LYPLAL1: variants seen among roughly 807,000 people sequenced by gnomAD.
The protein encoded by LYPLAL1 is lysophospholipase like 1, also known as lysophospholipase-like protein 1.
In LYPLAL1, 23 loss-of-function variants were observed where a neutral mutation model predicts 19.7. That is an observed-to-expected ratio of 1.17 (90% CI 0.84 to 1.65). The LOEUF (loss-of-function observed/expected upper bound fraction) is 1.65, where lower values mean the gene tolerates loss of function less well. Among genes scored for constraint, LYPLAL1 ranks in the 40% most tolerant of loss-of-function variants. The probability of loss-of-function intolerance (pLI) is 0.00; values close to 1 mark genes in which losing one functional copy is unlikely to be tolerated. For synonymous variants in LYPLAL1, 119 were observed against 96.3 expected (o/e 1.24, Z -1.38); for missense variants, 355 against 279.4 (o/e 1.27, Z -1.93).
the LYPLAL1 span, among the ~76,000 whole-genome samples, chr1:219,296,982 C>T: frequency 3.3e-5 from 5 of 152,184 alleles, no homozygotes; most frequent in Non-Finnish European, 5.9e-5. Flanking sequence ...AGACACTAGA[C>T]GTGCCCGCTA....
the LYPLAL1 span, among the ~76,000 whole-genome samples, chr1:219,377,681 G>A: frequency 6.6e-6 from 1 of 151,932 alleles, no homozygotes; most frequent in South Asian, 2.1e-4. Context: ...AATATTTATT[G>A]TAAATCAAAT....
At chr1:219,243,464 G>T in the LYPLAL1 span, among the ~76,000 whole-genome samples, 2 of 152,124 alleles carry the variant, frequency 1.3e-5, no homozygotes, top group Non-Finnish European at 2.9e-5. Context: ...AGGAAGAGCA[G>T]GTTTATTAAG....
chr1:219,391,797 C>T, the LYPLAL1 span, among the ~76,000 whole-genome samples: 1 of 152,122 alleles, frequency 6.6e-6, no homozygotes, highest in Non-Finnish European at 1.5e-5. Context: ...CAAACCCCTA[C>T]CAACTAGAAC....
At chr1:219,439,962 T>TATATATATATATATATATATATACAC in the LYPLAL1 span, among the ~76,000 whole-genome samples, 3 of 71,628 alleles carry the variant, frequency 4.2e-5, no homozygotes, top group African/African-American at 1.9e-4. Context: ...AAACTGACTA[T>TATATATATATATATATATATATACAC]ATATATATAT....
At chr1:219,394,231 C>G in the LYPLAL1 span, among the ~76,000 whole-genome samples, 4 of 152,124 alleles carry the variant, frequency 2.6e-5, no homozygotes, top group Admixed American at 6.5e-5. Flanking sequence ...GTTTTTTAAG[C>G]CTTTGTTGAA....
At chr1:219,344,199 C>T in the LYPLAL1 span, among the ~76,000 whole-genome samples, 2 of 152,132 alleles carry the variant, frequency 1.3e-5, no homozygotes, top group African/African-American at 4.8e-5. Flanking sequence ...AGTTTGTCTT[C>T]CCCTACACCA....
chr1:219,247,983 A>G, the LYPLAL1 span, among the ~76,000 whole-genome samples: 1 of 152,180 alleles, frequency 6.6e-6, no homozygotes, highest in African/African-American at 2.4e-5. Flanking sequence ...ATATTACTGA[A>G]TCAAATGATA....
At chr1:219,412,000 A>T in the LYPLAL1 span, 1 of 152,530 alleles carries the variant, frequency 6.6e-6, no homozygotes, top group Non-Finnish European at 1.5e-5. Context: ...TGCTTAGGAG[A>T]AGTATTGTGT....
chr1:219,436,519 GC>G, the LYPLAL1 span, among the ~76,000 whole-genome samples: 47 of 152,124 alleles, frequency 3.1e-4, no homozygotes, highest in Admixed American at 2.8e-3. Context: ...AAATCTGCCT[GC>G]CCGGAGCTTA....
the LYPLAL1 span, among the ~76,000 whole-genome samples, chr1:219,440,059 T>C: frequency 6.9e-5 from 10 of 145,248 alleles, no homozygotes; most frequent in East Asian, 2.0e-3. Context: ...GGATTTTCTC[T>C]AGTGATACTA....
chr1:219,211,043 A>G (rs1033177730), intron 4 of LYPLAL1, among the ~76,000 whole-genome samples: 5 of 152,126 alleles, frequency 3.3e-5, no homozygotes, highest in African/African-American at 4.8e-5. Flanking sequence ...ATCCTCATCT[A>G]TGAATATGAT....
At chr1:219,418,451 A>C in the LYPLAL1 span, among the ~76,000 whole-genome samples, 1 of 152,084 alleles carries the variant, frequency 6.6e-6, no homozygotes, top group Non-Finnish European at 1.5e-5. Flanking sequence ...GTTCTGCCTC[A>C]CTCTGTGTTT....
the LYPLAL1 span, among the ~76,000 whole-genome samples, chr1:219,415,213 A>G: frequency 6.6e-6 from 1 of 152,218 alleles, no homozygotes; most frequent in Non-Finnish European, 1.5e-5. Flanking sequence ...GAGAAAAACA[A>G]TAATAGAAAA....
At chr1:219,243,894 G>A in the LYPLAL1 span, among the ~76,000 whole-genome samples, 3 of 149,418 alleles carry the variant, frequency 2.0e-5, no homozygotes, top group Admixed American at 2.0e-4. Flanking sequence ...ACTCCAGCCT[G>A]GGGGACGAGA....
chr1:219,293,821 C>T, the LYPLAL1 span, among the ~76,000 whole-genome samples: 1 of 152,194 alleles, frequency 6.6e-6, no homozygotes, highest in Admixed American at 6.5e-5. Flanking sequence ...AATATGGCAT[C>T]TGAGGTTAAT....
chr1:219,399,468 C>T, the LYPLAL1 span, among the ~76,000 whole-genome samples: 1 of 152,140 alleles, frequency 6.6e-6, no homozygotes, highest in Non-Finnish European at 1.5e-5. Flanking sequence ...AGTGGCAGGT[C>T]AGGGTGCATC....
the LYPLAL1 span, among the ~76,000 whole-genome samples, chr1:219,341,262 T>A: frequency 2.0e-5 from 3 of 152,122 alleles, no homozygotes; most frequent in Non-Finnish European, 4.4e-5. Flanking sequence ...ATGGAGTGCA[T>A]AAAGTTAATA....
At chr1:219,372,903 CA>C in the LYPLAL1 span, among the ~76,000 whole-genome samples, 68 of 144,746 alleles carry the variant, frequency 4.7e-4, no homozygotes, top group African/African-American at 6.6e-4. Flanking sequence ...GACCCCTTCT[CA>C]AAAAAAAAAA....
chr1:219,186,939 T>G (rs1470156215), intron 2 of LYPLAL1, among the ~76,000 whole-genome samples: 2 of 151,758 alleles, frequency 1.3e-5, no homozygotes, highest in Admixed American at 6.6e-5. Context: ...AATTATTCGT[T>G]TTTTAATACA....
Sources: allele counts gnomAD v4.1 joint callset (sites outside exome capture counted in the v4.1 genomes callset), GRCh38; gene constraint gnomAD v4.1.1; transcripts MANE v1.5; gene names NCBI Gene and HGNC (gene_info 2026-07-23, HGNC 2026-07-21).